Variants in DDX1 observed in about 807,000 individuals in gnomAD.
DDX1 encodes the protein ATP-dependent RNA helicase DDX1.
Under a neutral mutation model 108.7 loss-of-function variants are expected in DDX1, and 28 were observed. The observed-to-expected ratio is 0.26, with a 90% CI of 0.19 to 0.35. DDX1 has a LOEUF of 0.35. Among genes scored for constraint, DDX1 ranks in the 10% least tolerant of loss-of-function variants. The pLI is 1.00. For missense variants in DDX1, 710 were observed against 884.5 expected, an observed-to-expected ratio of 0.80 and a Z score of 2.50; for synonymous variants, 295 against 288.9, an observed-to-expected ratio of 1.02 and a Z score of -0.21.
chr2:15,627,829 G>A (rs530081350), intron 20 of DDX1, among the ~76,000 whole-genome samples: 1 of 152,132 alleles, frequency 6.6e-6, no homozygotes, highest in African/African-American at 2.4e-5. Flanking sequence ...AAAACACATC[G>A]CATGGCCTCG....
intron 19 of DDX1, among the ~76,000 whole-genome samples, chr2:15,624,729 T>C (rs1666070376): frequency 6.6e-6 from 1 of 152,138 alleles, no homozygotes; most frequent in Non-Finnish European, 1.5e-5. Flanking sequence ...GGAAAAATTC[T>C]CAATCAGTTG....
At chr2:15,606,859 A>G (rs981746697) in intron 12 of DDX1, among the ~76,000 whole-genome samples, 1 of 152,176 alleles carries the variant, frequency 6.6e-6, no homozygotes, top group Non-Finnish European at 1.5e-5. Flanking sequence ...TCACTGTGTC[A>G]CCCAGGCTGC....
intron 5 of DDX1, among the ~76,000 whole-genome samples, chr2:15,598,709 AT>A (rs1665539574): frequency 6.6e-6 from 1 of 152,220 alleles, no homozygotes; most frequent in African/African-American, 2.4e-5. Context: ...GATGATGGAT[AT>A]CTTTTGACCA....
Position 15,593,942 on chromosome 2 carries a change from G to T in DDX1, c.17-1203G>T, listed in dbSNP as rs531216761. ...ATATGAAAAAAAATTAGCGGGCGTGGTGGCATGCGCCTGTAGCCCCAGCTC... is the reference window on the plus strand; with the variant it reads ...ATATGAAAAAAAATTAGCGGGCGTGTTGGCATGCGCCTGTAGCCCCAGCTC... On this transcript the variant is annotated intron_variant, in intron 1 of 25. Coordinates refer to ENST00000233084, the MANE Select transcript of DDX1 (RefSeq NM_004939.3). 3.9e-5 allele frequency among the ~76,000 whole-genome samples: 6 copies of T among 152,218 alleles called. No homozygotes were observed. The South Asian group carries it at 1.0e-3, about 26-fold the overall frequency.
chr2:15,600,476 C>T (rs1390795625), intron 6 of DDX1, among the ~76,000 whole-genome samples: 3 of 152,288 alleles, frequency 2.0e-5, no homozygotes, highest in East Asian at 1.9e-4. Flanking sequence ...ACACTATACC[C>T]TCCAGTTTCA....
intron 17 of DDX1, 120 bp downstream of exon 17, chr2:15,620,516 A>T: frequency 1.4e-6 from 1 of 710,678 alleles, no homozygotes; most frequent in African/African-American, 1.8e-5. Context: ...AGTCCAATAC[A>T]TCGTAAACCC....
chr2:15,622,887 TCACA>T (rs1288899507), intron 18 of DDX1, among the ~76,000 whole-genome samples: 2 of 152,212 alleles, frequency 1.3e-5, no homozygotes, highest in African/African-American at 4.8e-5. Context: ...TAGCACAGCT[TCACA>T]CTGAAAAATA....
intron 19 of DDX1, among the ~76,000 whole-genome samples, chr2:15,626,120 T>A (rs1666097889): frequency 1.3e-5 from 2 of 152,086 alleles, no homozygotes; most frequent in Admixed American, 1.3e-4. Context: ...ATTACACCAT[T>A]ACTAACACTC....
intron 1 of DDX1, among the ~76,000 whole-genome samples, chr2:15,592,318 C>G (rs78301788): frequency 0.014 from 2,070 of 152,308 alleles, 57 homozygotes; most frequent in African/African-American, 0.047. Context: ...TTTGGGAACC[C>G]TTTTCTGCCC....
Position 15,621,051 on chromosome 2 carries a change from C to T in DDX1, c.1396-14C>T, listed in dbSNP as rs761700506. ...CCACTCCTCTATCCTGTTTTTATTC[C>T]TTGCTTTTGATAGACTGATGATGTA... On this transcript the variant is annotated splice_polypyrimidine_tract_variant and intron_variant, in intron 17 of 25. Transcript: ENST00000233084. 29 of 1,584,480 alleles carry T rather than the reference C, an allele frequency of 1.8e-5. No individual in the cohort carries two copies. The highest frequency in any genetic ancestry group is 2.4e-5 in the Non-Finnish European group (28 of 1,156,002).
chr2:15,602,982 C>T (rs1458325164), intron 7 of DDX1, among the ~76,000 whole-genome samples: 2 of 152,194 alleles, frequency 1.3e-5, no homozygotes, highest in Non-Finnish European at 2.9e-5. Context: ...TAAAGTGCTG[C>T]CTGCAGGCGT....
chr2:15,602,314 A>G (rs1358752861), intron 6 of DDX1, among the ~76,000 whole-genome samples: 1 of 152,228 alleles, frequency 6.6e-6, no homozygotes, highest in Non-Finnish European at 1.5e-5. Flanking sequence ...GGCAGCATAG[A>G]AAATAGCCCC....
chr2:15,618,082 TTTTG>T, intron 15 of DDX1, 95 bp from the exon 16 acceptor site: 3 of 623,400 alleles, frequency 4.8e-6, no homozygotes, highest in Non-Finnish European at 5.7e-6. Context: ...TTTCCTTATA[TTTTG>T]TTTGATTTAG....
At chr2:15,597,574 G>A (rs2302932) in intron 5 of DDX1, 103 bp downstream of exon 5, 323,464 of 739,450 alleles carry the variant, frequency 0.44, 72,460 homozygotes, top group African/African-American at 0.64. Context: ...AATCTTGTCA[G>A]TATCTGGGGG....
intron 7 of DDX1, among the ~76,000 whole-genome samples, chr2:15,602,921 C>T (rs1049836315): frequency 6.6e-6 from 1 of 152,210 alleles, no homozygotes; most frequent in Non-Finnish European, 1.5e-5. Context: ...CCATGTTGGC[C>T]AGGCTGGTTT....
At chr2:15,608,663 GTTT>G (rs569566545) in intron 13 of DDX1, among the ~76,000 whole-genome samples, 4 of 106,726 alleles carry the variant, frequency 3.7e-5, no homozygotes, top group African/African-American at 1.1e-4. Flanking sequence ...TTTTTTTTAG[GTTT>G]TTTTTTTTTT....
Position 15,603,182 on chromosome 2 carries a change from A to C in DDX1, c.392-10A>C. On this transcript the variant is annotated splice_polypyrimidine_tract_variant and intron_variant, in intron 7 of 25. Transcript: ENST00000233084. ...ATTTATATAAATCTCAATGTATTTT[A>C]CCCTTGTAGGGAAACACTACTATGA... 1 of 1,578,282 alleles carries C rather than the reference A, an allele frequency of 6.3e-7. No individual in the cohort carries two copies. Among genetic ancestry groups the C allele is most frequent in the South Asian group, 1.1e-5 (1 of 87,214 alleles).
At chr2:15,599,107 A>G (rs1665546329) in intron 5 of DDX1, 1 of 152,214 alleles carries the variant, frequency 6.6e-6, no homozygotes, top group Admixed American at 6.5e-5. Flanking sequence ...GCAAGTGAGG[A>G]GAAAAGGTTT....
In DDX1 at chr2:15,617,102, C is replaced by CTTT. The variant is rs11305723; in HGVS notation, c.1018-132_1018-130dup. 5.4e-3 allele frequency: 1,961 copies of CTTT among 363,854 alleles called. 3 individuals carry two copies. The highest frequency in any genetic ancestry group is 9.4e-3 in the Admixed American group (202 of 21,466). 22.5% of individuals were successfully genotyped at this position (363,854 alleles called of 1,614,324 possible). ...GAACATATGGCATTATCTGTAACTC[C>CTTT]TTTTTTTTTTTTATAAATTTAGAGT... On this transcript the variant is annotated intron_variant, in intron 14 of 25. Transcript: ENST00000233084.
Sources: gnomAD v4.1 joint callset for allele counts (sites outside exome capture counted in the v4.1 genomes callset) on GRCh38, gnomAD v4.1.1 for gene constraint, MANE v1.5 for transcripts, NCBI Gene and HGNC (gene_info 2026-07-23, HGNC 2026-07-21) for gene names.